Variants in ABCG8 observed in about 807,000 individuals in gnomAD.
ABCG8 encodes ATP-binding cassette sub-family G member 8.
ABCG8 carries 81 observed loss-of-function variants against 71.3 expected under a neutral mutation model. The observed-to-expected ratio is 1.14, with a 90% CI of 0.95 to 1.37. The LOEUF (loss-of-function observed/expected upper bound fraction) is 1.37. Ranked by LOEUF, ABCG8 falls within the 40% of genes most tolerant of loss-of-function variation. The pLI is 0.00. For synonymous variants in ABCG8, 451 were observed against 354.7 expected (o/e 1.27, Z -3.05); for missense variants, 1,119 against 866.2 (o/e 1.29, Z -3.66).
chr2:43,853,621 C>T (rs1273291035), intron 6 of ABCG8, among the ~76,000 whole-genome samples: 1 of 152,194 alleles, frequency 6.6e-6, no homozygotes, highest in Non-Finnish European at 1.5e-5. Flanking sequence ...AACAGGACAA[C>T]AGCGATCATC....
intron 6 of ABCG8, among the ~76,000 whole-genome samples, chr2:43,865,008 C>A (rs1380747449): frequency 2.6e-5 from 4 of 151,954 alleles, no homozygotes; most frequent in African/African-American, 7.2e-5. Context: ...AGAATTCTCA[C>A]CCTCTGGATA....
intron 6 of ABCG8, among the ~76,000 whole-genome samples, chr2:43,866,945 C>G (rs1669550389): frequency 6.6e-6 from 1 of 150,920 alleles, no homozygotes; most frequent in Non-Finnish European, 1.5e-5. Context: ...TGGAACCAAC[C>G]CAAATGTCCA....
Position 43,881,937 on chromosome 2 carries a change from A to G in ABCG8, c.*4024A>G, listed in dbSNP as rs1335709913. 2.0e-5 allele frequency: 3 copies of G among 152,192 alleles called. No individual in the cohort carries two copies. Among genetic ancestry groups the G allele is most frequent in the African/African-American group, 7.2e-5 (3 of 41,448 alleles). 9.4% of individuals were successfully genotyped at this position (152,192 alleles called of 1,614,324 possible). A position where few individuals can be genotyped will look rare whatever the true frequency, so the allele number is the denominator to read the frequency against. ...TACAGTGTGAGAGCAGCTGTAGACTATAGTAACGTACAGCCGGTGTGGCTG... is the reference window on the plus strand; with the variant it reads ...TACAGTGTGAGAGCAGCTGTAGACTGTAGTAACGTACAGCCGGTGTGGCTG... On this transcript the variant is annotated 3_prime_UTR_variant, in exon 13 of 13. Transcript: ENST00000272286.
chr2:43,855,809 G>T (rs1037009104), intron 6 of ABCG8, among the ~76,000 whole-genome samples: 2 of 151,374 alleles, frequency 1.3e-5, no homozygotes, highest in African/African-American at 4.9e-5. Flanking sequence ...TATCTGGATG[G>T]GATTCTCCCT....
chr2:43,874,686 C>G (rs1007296876), intron 10 of ABCG8, among the ~76,000 whole-genome samples: 1 of 152,132 alleles, frequency 6.6e-6, no homozygotes, highest in African/African-American at 2.4e-5. Context: ...AACACCAGGA[C>G]TGTGGACCAG....
At chr2:43,846,403 G>C in intron 3 of ABCG8, 92 bp downstream of exon 3, 2 of 1,561,290 alleles carry the variant, frequency 1.3e-6, no homozygotes, top group Non-Finnish European at 1.8e-6. Context: ...GGAGCTCTTT[G>C]CTGACTAGTA....
chr2:43,852,840 T>C lies in ABCG8; in HGVS notation c.936T>C (p.Pro312=). The part of the protein sequence containing the change: ...QYFTAIGYPC[P]RYSNPADFYV... ...TCACAGCCATCGGCTACCCCTGTCC[T>C]CGCTACAGCAATCCTGCTGACTTCT... Residue 312 remains proline, a synonymous_variant, in exon 6 of 13, where the codon CCT becomes CCC. Transcript: ENST00000272286. The C allele has an allele frequency of 6.2e-7, 1 of 1,614,088 alleles. No individual in the cohort carries two copies. Among genetic ancestry groups the C allele is most frequent in the Non-Finnish European group, 8.5e-7 (1 of 1,180,006 alleles).
chr2:43,872,397 G>A, intron 8 of ABCG8, 91 bp downstream of exon 8: 4 of 1,410,214 alleles, frequency 2.8e-6, no homozygotes, highest in Non-Finnish European at 3.9e-6. Flanking sequence ...TGAATTTAAA[G>A]GAGAAAGTGA....
chr2:43,852,516 A>AG (rs752635482), intron 5 of ABCG8, 30 bp downstream of exon 5: 6 of 1,613,392 alleles, frequency 3.7e-6, no homozygotes, highest in Non-Finnish European at 4.2e-6. Flanking sequence ...ATGGGGGCAG[A>AG]GGGACCTGTG....
At position 43,880,021 on chromosome 2, in the gene ABCG8, T is replaced by C. The variant is rs972873279; in HGVS notation, c.*2108T>C. The C allele has an allele frequency of 6.6e-6, 1 of 152,190 alleles. No individual in the cohort carries two copies. Among genetic ancestry groups the C allele is most frequent in the Non-Finnish European group, 1.5e-5 (1 of 68,030 alleles). The allele number at this position is 152,190 out of a possible 1,614,324, so 9.4% of individuals were successfully genotyped here. ...AACTTGTGAATTCCCATTGTATCCT[T>C]ACAACCCTTTATTATTGTGATTAAT... On this transcript the variant is annotated 3_prime_UTR_variant, in exon 13 of 13. Transcript: ENST00000272286.
In ABCG8 at chr2:43,880,133, T is replaced by C. The variant is rs1039174935; in HGVS notation, c.*2220T>C. 1.3e-5 allele frequency: 2 copies of C among 151,884 alleles called. No homozygotes were observed. The highest frequency in any genetic ancestry group is 2.9e-5 in the Non-Finnish European group (2 of 67,982). 9.4% of individuals were successfully genotyped at this position (151,884 alleles called of 1,614,324 possible). A position where few individuals can be genotyped will look rare whatever the true frequency, so the allele number is the denominator to read the frequency against. On this transcript the variant is annotated 3_prime_UTR_variant, in exon 13 of 13. Coordinates refer to ENST00000272286, the MANE Select transcript of ABCG8 (RefSeq NM_022437.3). ...CCTTTTGATATGTCCTCATCATCCT[T>C]TGAGGGCTGAAACAACCAAGAGTTT...
At position 43,870,560 on chromosome 2, in the gene ABCG8, G is replaced by C. The variant is rs80293830; in HGVS notation, c.965-1416G>C. On this transcript the variant is annotated intron_variant, in intron 6 of 12. Transcript: ENST00000272286. ...AGAACTCTCACTATCTGTCTGGGTA[G>C]AATTCGCTCCGTCGTAATAGAACTC... Among the ~76,000 whole-genome samples the C allele has an allele frequency of 4.9e-3, 740 of 151,714 alleles. 26 individuals carry two copies. The East Asian group carries it at 0.087, about 18-fold the overall frequency.
At chr2:43,841,412 G>A (rs1668578114) in intron 1 of ABCG8, among the ~76,000 whole-genome samples, 1 of 152,208 alleles carries the variant, frequency 6.6e-6, no homozygotes, top group South Asian at 2.1e-4. Context: ...TGATTAAGAT[G>A]TCAGCCGAAT....
rs536212408 is a variant in ABCG8, at chr2:43,880,157, T to A, written c.*2244T>A. 6.7e-6 allele frequency: 1 copy of A among 148,238 alleles called. No homozygotes were observed. The highest frequency in any genetic ancestry group is 2.2e-4 in the South Asian group (1 of 4,636). 9.2% of individuals were successfully genotyped at this position (148,238 alleles called of 1,614,324 possible). A position where few individuals can be genotyped will look rare whatever the true frequency, so the allele number is the denominator to read the frequency against. On this transcript the variant is annotated 3_prime_UTR_variant, in exon 13 of 13. Coordinates refer to ENST00000272286, the MANE Select transcript of ABCG8 (RefSeq NM_022437.3). ...TTTGAGGGCTGAAACAACCAAGAGT[T>A]TCAGGCTCATTTTTTGTTTTGTTTT...
chr2:43,850,024 A>C (rs1668864777), intron 3 of ABCG8, among the ~76,000 whole-genome samples: 4 of 152,024 alleles, frequency 2.6e-5, no homozygotes, highest in Admixed American at 2.6e-4. Flanking sequence ...ACATGGTGAA[A>C]CCCCGTCGCT....
intron 1 of ABCG8, among the ~76,000 whole-genome samples, chr2:43,841,772 A>T (rs927754759): frequency 6.6e-5 from 10 of 152,076 alleles, no homozygotes; most frequent in Non-Finnish European, 1.5e-5. Flanking sequence ...TCAAAGCACC[A>T]CACAGTGGAA....
chr2:43,866,042 A>T (rs941450565), intron 6 of ABCG8, among the ~76,000 whole-genome samples: 6 of 151,922 alleles, frequency 3.9e-5, no homozygotes, highest in African/African-American at 1.2e-4. Flanking sequence ...ATAACGCCGC[A>T]TATCTACAAC....
intron 4 of ABCG8, 59 bp downstream of exon 4, chr2:43,851,881 C>T (rs1180583088): frequency 1.2e-5 from 19 of 1,562,530 alleles, no homozygotes; most frequent in East Asian, 9.0e-5. Flanking sequence ...GTCCATGCCC[C>T]GCTCCTCCCC....
intron 6 of ABCG8, among the ~76,000 whole-genome samples, chr2:43,866,546 G>A (rs1487147388): frequency 6.6e-6 from 1 of 152,090 alleles, no homozygotes; most frequent in South Asian, 2.1e-4. Flanking sequence ...GACATGAATA[G>A]ACACTTCTCA....
Sources: gnomAD v4.1 joint callset for allele counts (sites outside exome capture counted in the v4.1 genomes callset) on GRCh38, gnomAD v4.1.1 for gene constraint, MANE v1.5 for transcripts, NCBI Gene and HGNC (gene_info 2026-07-23, HGNC 2026-07-21) for gene names.